C9: variants seen among roughly 807,000 people sequenced by gnomAD.
C9 encodes complement component C9.
A neutral mutation model predicts 65.4 loss-of-function variants in C9; 63 were observed. The ratio of observed to expected loss-of-function variants is 0.96; its 90% CI spans 0.79 to 1.19. The LOEUF (loss-of-function observed/expected upper bound fraction) is 1.19, where lower values mean the gene tolerates loss of function less well. C9 is among the 50% of genes most tolerant of loss of function. C9 has a pLI of 0.00. For synonymous variants in C9, 229 were observed against 227.9 expected, an observed-to-expected ratio of 1.00 and a Z score of -0.04; for missense variants, 744 against 670.1, an observed-to-expected ratio of 1.11 and a Z score of -1.22.
At chr5:39,352,412 C>T (rs1754338861) in intron 1 of C9, among the ~76,000 whole-genome samples, 1 of 152,222 alleles carries the variant, frequency 6.6e-6, no homozygotes, top group Non-Finnish European at 1.5e-5. Flanking sequence ...TCATGACTTA[C>T]TGAACTCAAT....
At chr5:39,323,730 A>G (rs1753702662) in intron 5 of C9, among the ~76,000 whole-genome samples, 1 of 152,028 alleles carries the variant, frequency 6.6e-6, no homozygotes. Flanking sequence ...CAGTGGTTAA[A>G]ACTGAAACTT....
At chr5:39,294,892 G>A (rs557478422) in intron 9 of C9, among the ~76,000 whole-genome samples, 2 of 151,584 alleles carry the variant, frequency 1.3e-5, no homozygotes, top group African/African-American at 4.8e-5. Context: ...TGAATTATCC[G>A]AGAAATAGTT....
At chr5:39,350,132 G>A (rs1377301679) in intron 1 of C9, among the ~76,000 whole-genome samples, 6 of 152,198 alleles carry the variant, frequency 3.9e-5, no homozygotes, top group Non-Finnish European at 8.8e-5. Flanking sequence ...GAAGGGTGAA[G>A]GGTAAGCAAG....
At chr5:39,334,542 C>T (rs1434209850) in intron 4 of C9, among the ~76,000 whole-genome samples, 1 of 133,724 alleles carries the variant, frequency 7.5e-6, no homozygotes, top group Non-Finnish European at 1.5e-5. Flanking sequence ...CCCGCCAGGC[C>T]AGCCGCCCCG....
chr5:39,318,067 T>C (rs937114948), intron 5 of C9, among the ~76,000 whole-genome samples: 7 of 152,178 alleles, frequency 4.6e-5, no homozygotes, highest in African/African-American at 1.7e-4. Context: ...TCACTTGCTT[T>C]GTTAGCTGTA....
chr5:39,291,466 G>A (rs2111842241), intron 9 of C9, among the ~76,000 whole-genome samples: 1 of 151,972 alleles, frequency 6.6e-6, no homozygotes, highest in Middle Eastern at 3.4e-3. Context: ...CATATATTTT[G>A]AGCCCCAGAA....
chr5:39,363,980 G>T (rs912900175), intron 1 of C9, among the ~76,000 whole-genome samples: 3 of 152,130 alleles, frequency 2.0e-5, no homozygotes, highest in Admixed American at 6.5e-5. Context: ...GAGGCAAAAG[G>T]GTGATGTATC....
At chr5:39,329,677 A>G (rs778912647) in intron 5 of C9, among the ~76,000 whole-genome samples, 1 of 152,240 alleles carries the variant, frequency 6.6e-6, no homozygotes, top group Non-Finnish European at 1.5e-5. Context: ...ATAAGTAACT[A>G]AGGCAAGAGT....
chr5:39,291,426 A>C (rs150392007), intron 9 of C9, among the ~76,000 whole-genome samples: 8 of 151,838 alleles, frequency 5.3e-5, no homozygotes, highest in African/African-American at 1.9e-4. Flanking sequence ...GGAAGGAAAC[A>C]TAAGTGATAG....
At chr5:39,292,020 G>A (rs1434344687) in intron 9 of C9, among the ~76,000 whole-genome samples, 1 of 151,712 alleles carries the variant, frequency 6.6e-6, no homozygotes, top group East Asian at 1.9e-4. Flanking sequence ...ATAAGAAGGG[G>A]TTGAGAGGGG....
At chr5:39,302,896 C>T (rs1753308733) in intron 9 of C9, among the ~76,000 whole-genome samples, 1 of 152,040 alleles carries the variant, frequency 6.6e-6, no homozygotes, top group Admixed American at 6.6e-5. Context: ...CCAAGAGAAA[C>T]AAAATGAGAT....
At position 39,358,238 on chromosome 5, in the gene C9, AAG is replaced by A. The variant is rs1471497637; in HGVS notation, c.77+6148_77+6149del. Among the ~76,000 whole-genome samples, 11 of 152,332 alleles carry A rather than the reference AAG, an allele frequency of 7.2e-5. No homozygotes were observed. The East Asian group carries it at 1.9e-3, about 27-fold the overall frequency. On this transcript the variant is annotated intron_variant, in intron 1 of 10. Transcript: ENST00000263408. ...TTACACAGCAAAAAAGCAAAACAAA[AAG>A]AGAGTAGAAGGTGATAGTCCATTAA... is the stretch of plus-strand genomic sequence containing the variant.
At chr5:39,359,053 T>C (rs1754466536) in intron 1 of C9, among the ~76,000 whole-genome samples, 1 of 142,122 alleles carries the variant, frequency 7.0e-6, no homozygotes, top group Non-Finnish European at 1.5e-5. Context: ...TGTGTGTATA[T>C]ATATGTGTAT....
At chr5:39,313,847 G>C (rs1485924739) in intron 6 of C9, among the ~76,000 whole-genome samples, 1 of 152,072 alleles carries the variant, frequency 6.6e-6, no homozygotes, top group African/African-American at 2.4e-5. Flanking sequence ...TTGTCAATTG[G>C]ATGTCTAATA....
At chr5:39,358,185 T>C (rs1754443991) in intron 1 of C9, among the ~76,000 whole-genome samples, 1 of 152,234 alleles carries the variant, frequency 6.6e-6, no homozygotes, top group Admixed American at 6.5e-5. Flanking sequence ...ATTGCTATTC[T>C]TTTAAGATAC....
intron 1 of C9, among the ~76,000 whole-genome samples, chr5:39,347,477 A>G (rs983090717): frequency 6.6e-6 from 1 of 152,206 alleles, no homozygotes; most frequent in Non-Finnish European, 1.5e-5. Context: ...GATGTGGAGG[A>G]CCTCTTCAAA....
chr5:39,306,692 T>C lies in C9; in HGVS notation c.1341A>G (p.Gly447=). The change falls in exon 9 of 11, where the codon GGA becomes GGG. Residue 447 remains glycine (G), a synonymous_variant. Transcript: ENST00000263408. ...CAAAGTCAGTCACATCAATCACGGT[T>C]CCTCGGAGAAGCTTTTCTTTCAGTT... ...AFELKEKLLR[G]TVIDVTDFVN... 1 of 1,613,596 alleles carries C rather than the reference T, an allele frequency of 6.2e-7. No individual in the cohort carries two copies. The highest frequency in any genetic ancestry group is 8.5e-7 in the Non-Finnish European group (1 of 1,179,554).
chr5:39,357,930 A>C (rs952798955), intron 1 of C9, among the ~76,000 whole-genome samples: 3 of 152,126 alleles, frequency 2.0e-5, no homozygotes, highest in African/African-American at 7.2e-5. Context: ...GCCTTTCACC[A>C]CTGTGTACGA....
At position 39,364,432 on chromosome 5, in the gene C9, G is replaced by T; in HGVS notation, c.33C>A (p.Ile11=). 1 of 1,610,474 alleles carries T rather than the reference G, an allele frequency of 6.2e-7. No homozygotes were observed. Among genetic ancestry groups the T allele is most frequent in the Non-Finnish European group, 8.5e-7 (1 of 1,176,976 alleles). Residue 11 remains isoleucine (I), a synonymous_variant, in exon 1 of 11, where the codon ATC becomes ATA. Transcript: ENST00000263408. MSACRSFAVA[I]CILEISILTA... is the part of the protein sequence containing the mutation. The stretch of plus-strand genomic sequence containing the variant: ...TGAGGATGCTTATTTCTAAAATGCA[G>T]ATTGCAACTGCAAAGCTCCGGCAGG...
Sources: allele counts gnomAD v4.1 joint callset (sites outside exome capture counted in the v4.1 genomes callset), GRCh38; gene constraint gnomAD v4.1.1; transcripts MANE v1.5; gene names NCBI Gene and HGNC (gene_info 2026-07-23, HGNC 2026-07-21).